CACNB4: variants seen among roughly 807,000 people sequenced by gnomAD.
The protein encoded by CACNB4 is calcium voltage-gated channel auxiliary subunit beta 4.
Under a neutral mutation model 71.2 loss-of-function variants are expected in CACNB4, and 32 were observed. The ratio of observed to expected loss-of-function variants is 0.45; its 90% CI spans 0.34 to 0.60. CACNB4 has a LOEUF of 0.60. CACNB4 is among the 20% of genes least tolerant of loss of function. The probability of loss-of-function intolerance (pLI) is 0.01; values close to 1 mark genes in which losing one functional copy is unlikely to be tolerated. For missense variants in CACNB4, 464 were observed against 647.9 expected (o/e 0.72, Z 3.08); for synonymous variants, 231 against 236.9 (o/e 0.97, Z 0.23).
chr2:151,985,043 A>G (rs944123225), intron 2 of CACNB4, among the ~76,000 whole-genome samples: 4 of 152,190 alleles, frequency 2.6e-5, no homozygotes, highest in African/African-American at 9.6e-5. Flanking sequence ...TTGCCTTTAA[A>G]GCATTTCCCA....
intron 2 of CACNB4, among the ~76,000 whole-genome samples, chr2:151,908,192 G>A (rs1318549772): frequency 1.3e-5 from 2 of 152,336 alleles, no homozygotes; most frequent in East Asian, 3.9e-4. Context: ...ACCTGTTAAG[G>A]TGCACAGGCA....
intron 9 of CACNB4, among the ~76,000 whole-genome samples, chr2:151,864,328 T>C (rs1156421839): frequency 6.6e-6 from 1 of 152,212 alleles, no homozygotes; most frequent in Non-Finnish European, 1.5e-5. Flanking sequence ...TGAACCCCAA[T>C]TGTTGCTTAT....
intron 2 of CACNB4, among the ~76,000 whole-genome samples, chr2:152,059,710 G>T (rs749784838): frequency 3.9e-5 from 6 of 152,204 alleles, no homozygotes; most frequent in Non-Finnish European, 8.8e-5. Context: ...AGGCTTTGGG[G>T]GACTGTTGGA....
intron 2 of CACNB4, among the ~76,000 whole-genome samples, chr2:152,037,594 C>T (rs2105226394): frequency 1.3e-5 from 2 of 152,334 alleles, no homozygotes; most frequent in African/African-American, 4.8e-5. Flanking sequence ...AATAATGTGA[C>T]CTTCTGACTC....
intron 2 of CACNB4, among the ~76,000 whole-genome samples, chr2:152,016,339 A>G (rs1683341885): frequency 6.6e-6 from 1 of 152,234 alleles, no homozygotes; most frequent in South Asian, 2.1e-4. Context: ...TGCTTTTTCT[A>G]CTCTGAAGAG....
intron 2 of CACNB4, among the ~76,000 whole-genome samples, chr2:151,886,150 T>C (rs1181071632): frequency 2.0e-5 from 3 of 152,160 alleles, no homozygotes; most frequent in South Asian, 2.1e-4. Flanking sequence ...AGTTTGGAGT[T>C]AGTCCTAGGC....
At chr2:151,926,359 A>G (rs535214799) in intron 2 of CACNB4, among the ~76,000 whole-genome samples, 1 of 152,324 alleles carries the variant, frequency 6.6e-6, no homozygotes, top group East Asian at 1.9e-4. Flanking sequence ...CCACAGCAAT[A>G]TGGAAGTCAT....
intron 2 of CACNB4, among the ~76,000 whole-genome samples, chr2:151,980,022 A>G (rs1380817117): frequency 6.6e-6 from 1 of 152,192 alleles, no homozygotes; most frequent in Non-Finnish European, 1.5e-5. Flanking sequence ...ATGATTCCAG[A>G]TTTGCTATAA....
At chr2:151,969,370 T>C (rs1287929785) in intron 2 of CACNB4, 2 of 152,192 alleles carry the variant, frequency 1.3e-5, no homozygotes, top group African/African-American at 4.8e-5. Flanking sequence ...ATATAAATCC[T>C]TCTGTCTGAA....
chr2:151,958,555 C>T lies in CACNB4; in HGVS notation c.148-75185G>A, dbSNP rs189029030. Among the ~76,000 whole-genome samples, 16 of 152,232 alleles carry T rather than the reference C, an allele frequency of 1.1e-4. No individual in the cohort carries two copies. The East Asian group carries it at 2.5e-3, about 24-fold the overall frequency. ...AATCTCAGTGGCATCACTGTCCAAC[C>T]GGTCAGTCACCTAAGCCGAAAGTGG... On this transcript the variant is annotated intron_variant, in intron 2 of 13. Transcript: ENST00000539935.
intron 2 of CACNB4, among the ~76,000 whole-genome samples, chr2:151,906,379 T>C (rs1288868492): frequency 1.3e-5 from 2 of 152,182 alleles, no homozygotes; most frequent in East Asian, 3.8e-4. Context: ...GTCTTATGCA[T>C]TATTTGTAAG....
intron 2 of CACNB4, among the ~76,000 whole-genome samples, chr2:152,053,429 T>C (rs1437596865): frequency 6.6e-6 from 1 of 152,166 alleles, no homozygotes; most frequent in African/African-American, 2.4e-5. Flanking sequence ...TCCCCACCCA[T>C]CCAACTAGCT....
chr2:151,993,689 C>T (rs1247328976), intron 2 of CACNB4, among the ~76,000 whole-genome samples: 3 of 151,730 alleles, frequency 2.0e-5, no homozygotes, highest in Non-Finnish European at 4.4e-5. Context: ...CTCAGCCTCC[C>T]GAGTAGCTGG....
In CACNB4 at chr2:151,849,161, C is replaced by A. The variant is rs188089104; in HGVS notation, c.1116+4287G>T. 2.2e-3 allele frequency among the ~76,000 whole-genome samples: 340 copies of A among 152,340 alleles called. 3 individuals are homozygous for A. The highest frequency in any genetic ancestry group is 7.8e-3 in the African/African-American group (325 of 41,586). ...CCAGTAGCCCATTTTCCCCACTCATCTTACTGTCTATGACAGATTTTAAAT... is the reference window on the plus strand; with the variant it reads ...CCAGTAGCCCATTTTCCCCACTCATATTACTGTCTATGACAGATTTTAAAT... On this transcript the variant is annotated intron_variant, in intron 12 of 13. Transcript: ENST00000539935.
intron 2 of CACNB4, among the ~76,000 whole-genome samples, chr2:151,912,019 C>T (rs1335822749): frequency 6.6e-6 from 1 of 151,812 alleles, no homozygotes; most frequent in African/African-American, 2.4e-5. Flanking sequence ...GGGGATATCC[C>T]CTTTATCATT....
At chr2:151,987,830 C>T (rs1681457160) in intron 2 of CACNB4, among the ~76,000 whole-genome samples, 1 of 152,176 alleles carries the variant, frequency 6.6e-6, no homozygotes, top group Non-Finnish European at 1.5e-5. Context: ...AATGTCTTCC[C>T]TTTGTATATT....
intron 2 of CACNB4, among the ~76,000 whole-genome samples, chr2:152,061,745 C>T (rs1241760096): frequency 6.6e-6 from 1 of 151,930 alleles, no homozygotes; most frequent in African/African-American, 2.4e-5. Context: ...GGTGCAGTGG[C>T]TCACACCTGT....
chr2:151,872,731 T>G, intron 5 of CACNB4: 1 of 342,404 alleles, frequency 2.9e-6, no homozygotes, highest in Non-Finnish European at 5.3e-6. Context: ...AGTTACTCAG[T>G]GCGGAAATCA....
At chr2:151,951,503 T>C (rs1009089452) in intron 2 of CACNB4, among the ~76,000 whole-genome samples, 5 of 152,080 alleles carry the variant, frequency 3.3e-5, no homozygotes, top group African/African-American at 7.2e-5. Flanking sequence ...GAAAGATCAG[T>C]GAGAATAGGT....
Sources: gnomAD v4.1 joint callset for allele counts (sites outside exome capture counted in the v4.1 genomes callset) on GRCh38, gnomAD v4.1.1 for gene constraint, MANE v1.5 for transcripts, NCBI Gene and HGNC (gene_info 2026-07-23, HGNC 2026-07-21) for gene names.